The following NKAIN3 variants were observed in gnomAD, a reference collection of about 807,000 sequenced individuals.
The protein encoded by NKAIN3 is sodium/potassium-transporting ATPase subunit beta-1-interacting protein 3.
A neutral mutation model predicts 30.2 loss-of-function variants in NKAIN3; 25 were observed. That is an observed-to-expected ratio of 0.83 (90% CI 0.60 to 1.16). NKAIN3 has a LOEUF of 1.16. Ranked by LOEUF, NKAIN3 falls within the 50% of genes most tolerant of loss-of-function variation. The pLI, the probability that NKAIN3 is intolerant of heterozygous loss-of-function variation, is 0.00. For synonymous variants in NKAIN3, 91 were observed against 89.6 expected (o/e 1.02, Z -0.09); for missense variants, 225 against 254.1 (o/e 0.89, Z 0.78).
At chr8:62,619,727 A>G (rs1811566471) in intron 3 of NKAIN3, among the ~76,000 whole-genome samples, 1 of 150,832 alleles carries the variant, frequency 6.6e-6, no homozygotes, top group South Asian at 2.1e-4. Flanking sequence ...GGAAATATTC[A>G]AGCCTGAAAC....
chr8:62,283,530 T>C (rs1338268120), intron 1 of NKAIN3, among the ~76,000 whole-genome samples: 1 of 152,212 alleles, frequency 6.6e-6, no homozygotes, highest in Non-Finnish European at 1.5e-5. Flanking sequence ...CCAAAGTTAC[T>C]ATTTTAAATC....
At chr8:62,464,073 A>G (rs1411547212) in intron 1 of NKAIN3, among the ~76,000 whole-genome samples, 1 of 152,214 alleles carries the variant, frequency 6.6e-6, no homozygotes, top group Non-Finnish European at 1.5e-5. Context: ...AGTGAATCAC[A>G]ATGCACCACT....
At chr8:62,528,350 T>TATTATATAATATAATATATA (rs1808383833) in intron 1 of NKAIN3, among the ~76,000 whole-genome samples, 1 of 137,394 alleles carries the variant, frequency 7.3e-6, no homozygotes, top group Non-Finnish European at 1.5e-5. Flanking sequence ...AATATATATA[T>TATTATATAATATAATATATA]ATATGACTTT....
At chr8:62,801,309 G>A (rs970393155) in intron 4 of NKAIN3, among the ~76,000 whole-genome samples, 72 of 152,216 alleles carry the variant, frequency 4.7e-4, no homozygotes, top group Non-Finnish European at 1.0e-4. Context: ...CGGGCAGACT[G>A]CTTCCTCAAG....
At chr8:62,630,310 T>G (rs1811916842) in intron 3 of NKAIN3, among the ~76,000 whole-genome samples, 1 of 152,058 alleles carries the variant, frequency 6.6e-6, no homozygotes, top group African/African-American at 2.4e-5. Flanking sequence ...TAAAAACATA[T>G]GTAGGATGGA....
intron 1 of NKAIN3, among the ~76,000 whole-genome samples, chr8:62,555,174 CT>C (rs1809349616): frequency 6.6e-6 from 1 of 151,900 alleles, no homozygotes; most frequent in African/African-American, 2.4e-5. Flanking sequence ...AATATAAAAA[CT>C]CCCAAAGATA....
intron 5 of NKAIN3, among the ~76,000 whole-genome samples, chr8:62,947,424 A>T (rs72656522): frequency 0.31 from 47,377 of 152,076 alleles, 7,920 homozygotes; most frequent in African/African-American, 0.41. Context: ...CCTGTATATA[A>T]TATACATTTT....
chr8:62,535,425 G>A (rs1181389688), intron 1 of NKAIN3, among the ~76,000 whole-genome samples: 1 of 151,990 alleles, frequency 6.6e-6, no homozygotes, highest in African/African-American at 2.4e-5. Flanking sequence ...CACAGGTTGA[G>A]GGCTCAGTCC....
intron 1 of NKAIN3, among the ~76,000 whole-genome samples, chr8:62,308,411 C>A (rs1449772527): frequency 6.7e-6 from 1 of 150,210 alleles, no homozygotes; most frequent in Non-Finnish European, 1.5e-5. Context: ...AACCTTAATT[C>A]AATTTAAGGA....
chr8:62,669,181 C>A (rs1412294869), intron 3 of NKAIN3, among the ~76,000 whole-genome samples: 3 of 152,202 alleles, frequency 2.0e-5, no homozygotes, highest in Non-Finnish European at 4.4e-5. Context: ...TTAACATTAG[C>A]CACTTCTGCC....
intron 4 of NKAIN3, among the ~76,000 whole-genome samples, chr8:62,751,626 A>G (rs1010501510): frequency 6.6e-6 from 1 of 152,086 alleles, no homozygotes; most frequent in African/African-American, 2.4e-5. Flanking sequence ...TGTTTATTTA[A>G]TACTCTTCTA....
intron 5 of NKAIN3, among the ~76,000 whole-genome samples, chr8:62,926,140 C>A (rs947577975): frequency 2.0e-5 from 3 of 152,116 alleles, no homozygotes; most frequent in African/African-American, 7.2e-5. Flanking sequence ...AAAAATCACA[C>A]CCTCGTGACA....
chr8:62,312,249 A>T (rs901713712), intron 1 of NKAIN3, among the ~76,000 whole-genome samples: 6 of 150,752 alleles, frequency 4.0e-5, no homozygotes, highest in Admixed American at 3.3e-4. Flanking sequence ...GTTTTATTTT[A>T]AAATGTAATT....
chr8:62,779,695 G>A (rs868544745), intron 4 of NKAIN3, among the ~76,000 whole-genome samples: 7 of 152,098 alleles, frequency 4.6e-5, no homozygotes, highest in South Asian at 4.1e-4. Flanking sequence ...CATTCTCCAA[G>A]ATGGACAATA....
At chr8:62,720,448 C>T (rs1293328557) in intron 3 of NKAIN3, among the ~76,000 whole-genome samples, 1 of 152,068 alleles carries the variant, frequency 6.6e-6, no homozygotes, top group Non-Finnish European at 1.5e-5. Context: ...TATTAAATAT[C>T]TGTCAAAATT....
chr8:62,817,244 A>G (rs1410096744), intron 4 of NKAIN3, among the ~76,000 whole-genome samples: 1 of 152,134 alleles, frequency 6.6e-6, no homozygotes, highest in Non-Finnish European at 1.5e-5. Context: ...GACCAATTAA[A>G]TGTGCACAGT....
intron 4 of NKAIN3, among the ~76,000 whole-genome samples, chr8:62,786,192 GT>G (rs1182099339): frequency 6.6e-6 from 1 of 152,070 alleles, no homozygotes; most frequent in Non-Finnish European, 1.5e-5. Context: ...CCCATAACAA[GT>G]AGTCTTGCAG....
chr8:62,740,519 A>G (rs1815829946), intron 3 of NKAIN3, among the ~76,000 whole-genome samples: 1 of 152,200 alleles, frequency 6.6e-6, no homozygotes, highest in Non-Finnish European at 1.5e-5. Flanking sequence ...AGAAAGCATT[A>G]CATTTAAATT....
chr8:62,736,297 G>A (rs1242284535), intron 3 of NKAIN3, among the ~76,000 whole-genome samples: 1 of 152,144 alleles, frequency 6.6e-6, no homozygotes, highest in Non-Finnish European at 1.5e-5. Context: ...AAGACCTTCA[G>A]ATAGGGAGCG....
Sources: allele counts gnomAD v4.1 joint callset (sites outside exome capture counted in the v4.1 genomes callset), GRCh38; gene constraint gnomAD v4.1.1; transcripts MANE v1.5; gene names NCBI Gene and HGNC (gene_info 2026-07-23, HGNC 2026-07-21).